TMEM132C: variants seen among roughly 807,000 people sequenced by gnomAD.
TMEM132C encodes protein phosphatase 1, regulatory subunit 152.
In TMEM132C, 29 loss-of-function variants were observed where a neutral mutation model predicts 61.4. That is an observed-to-expected ratio of 0.47 (90% CI 0.35 to 0.64). The LOEUF (loss-of-function observed/expected upper bound fraction) is 0.64, where lower values mean the gene tolerates loss of function less well. TMEM132C is among the 30% of genes least tolerant of loss of function. TMEM132C has a pLI of 0.00. For synonymous variants in TMEM132C, 656 were observed against 633.1 expected, an observed-to-expected ratio of 1.04 and a Z score of -0.54; for missense variants, 1,408 against 1,476.9, an observed-to-expected ratio of 0.95 and a Z score of 0.76.
chr12:128,607,160 G>C (rs1210785706), intron 3 of TMEM132C, among the ~76,000 whole-genome samples: 2 of 152,184 alleles, frequency 1.3e-5, no homozygotes, highest in Non-Finnish European at 2.9e-5. Context: ...TGTGACCAAA[G>C]ATTATTCCAG....
intron 1 of TMEM132C, among the ~76,000 whole-genome samples, chr12:128,360,947 A>T (rs1314589295): frequency 6.6e-6 from 1 of 152,112 alleles, no homozygotes; most frequent in African/African-American, 2.4e-5. Flanking sequence ...CTCCATGCTG[A>T]CCATATTTCT....
In TMEM132C at chr12:128,577,072, G is replaced by A. The variant is rs146305881; in HGVS notation, c.1121+32969G>A. Among the ~76,000 whole-genome samples, 192 of 152,124 alleles carry A rather than the reference G, an allele frequency of 1.3e-3. 1 individual carries two copies. Among genetic ancestry groups the A allele is most frequent in the African/African-American group, 4.3e-3 (178 of 41,478 alleles). On this transcript the variant is annotated intron_variant, in intron 3 of 8. Coordinates refer to ENST00000435159, the MANE Select transcript of TMEM132C (RefSeq NM_001136103.3). ...AAGGCAACCCCATATCCACTAGCAGGCATTTGACCTTCTTCCCTCCCCACA... is the reference window on the plus strand; with the variant it reads ...AAGGCAACCCCATATCCACTAGCAGACATTTGACCTTCTTCCCTCCCCACA...
intron 2 of TMEM132C, among the ~76,000 whole-genome samples, chr12:128,515,244 AGGT>A (rs1292956474): frequency 6.6e-6 from 1 of 152,180 alleles, no homozygotes; most frequent in Non-Finnish European, 1.5e-5. Flanking sequence ...ATAAAGAGAG[AGGT>A]ACACACAGAT....
intron 1 of TMEM132C, among the ~76,000 whole-genome samples, chr12:128,395,000 A>T (rs1874895486): frequency 6.6e-6 from 1 of 151,836 alleles, no homozygotes; most frequent in African/African-American, 2.4e-5. Context: ...TCACTTTTGT[A>T]AGTGTGATTT....
intron 2 of TMEM132C, among the ~76,000 whole-genome samples, chr12:128,450,849 C>CTTA (rs1259428687): frequency 6.6e-6 from 1 of 152,172 alleles, no homozygotes; most frequent in Non-Finnish European, 1.5e-5. Context: ...TATTTTTCTC[C>CTTA]TTATTTTTCT....
intron 3 of TMEM132C, among the ~76,000 whole-genome samples, chr12:128,580,991 CG>C (rs960065207): frequency 4.1e-4 from 62 of 151,998 alleles, no homozygotes; most frequent in African/African-American, 1.3e-3. Context: ...AAATGTCCTG[CG>C]GGGGGAAAAA....
intron 1 of TMEM132C, among the ~76,000 whole-genome samples, chr12:128,276,490 T>C (rs1407595210): frequency 1.3e-5 from 2 of 152,196 alleles, no homozygotes; most frequent in East Asian, 3.8e-4. Context: ...TAACTACAGC[T>C]TAGGCATAAT....
intron 2 of TMEM132C, among the ~76,000 whole-genome samples, chr12:128,537,907 G>A (rs1873592808): frequency 6.6e-6 from 1 of 152,144 alleles, no homozygotes; most frequent in African/African-American, 2.4e-5. Context: ...GCTGGATGAT[G>A]GGTACATGGG....
intron 1 of TMEM132C, among the ~76,000 whole-genome samples, chr12:128,409,966 A>G (rs933149636): frequency 6.6e-6 from 1 of 152,234 alleles, no homozygotes; most frequent in Non-Finnish European, 1.5e-5. Flanking sequence ...GATCAAGATT[A>G]TCAAAGAATC....
intron 2 of TMEM132C, among the ~76,000 whole-genome samples, chr12:128,473,149 A>T (rs113658546): frequency 0.031 from 204 of 6,492 alleles, no homozygotes; most frequent in Middle Eastern, 0.2. Flanking sequence ...CACTCCAGCC[A>T]CTATCTTCAT....
chr12:128,404,609 TG>T (rs1173316342), intron 1 of TMEM132C: 3 of 152,202 alleles, frequency 2.0e-5, no homozygotes, highest in African/African-American at 7.2e-5. Flanking sequence ...GGGCACTGAG[TG>T]ACGTGGCCTT....
intron 1 of TMEM132C, among the ~76,000 whole-genome samples, chr12:128,367,270 C>T (rs1361285202): frequency 6.6e-6 from 1 of 152,164 alleles, no homozygotes; most frequent in Non-Finnish European, 1.5e-5. Flanking sequence ...TTCCAGAACA[C>T]GTCCAGAGAT....
chr12:128,577,714 T>C (rs1216618089), intron 3 of TMEM132C, among the ~76,000 whole-genome samples: 3 of 152,216 alleles, frequency 2.0e-5, no homozygotes, highest in African/African-American at 7.2e-5. Flanking sequence ...AGTTTTATGG[T>C]CTCATCTTGG....
At chr12:128,518,234 A>G (rs188050160) in intron 2 of TMEM132C, among the ~76,000 whole-genome samples, 1 of 152,370 alleles carries the variant, frequency 6.6e-6, no homozygotes, top group East Asian at 1.9e-4. Context: ...TGTGTGGACA[A>G]TTAATGAGAT....
chr12:128,366,606 A>C (rs149548647), intron 1 of TMEM132C, among the ~76,000 whole-genome samples: 1 of 152,212 alleles, frequency 6.6e-6, no homozygotes, highest in African/African-American at 2.4e-5. Context: ...GTGAGATGGA[A>C]ACGTGCCCCA....
At chr12:128,573,898 C>CA (rs10689177) in intron 3 of TMEM132C, among the ~76,000 whole-genome samples, 29,790 of 142,616 alleles carry the variant, frequency 0.21, 3,638 homozygotes, top group African/African-American at 0.35. Context: ...TTTTTGCAAT[C>CA]AAAAAAAAAA....
At chr12:128,308,783 T>G (rs954297397) in intron 1 of TMEM132C, among the ~76,000 whole-genome samples, 2 of 152,208 alleles carry the variant, frequency 1.3e-5, no homozygotes, top group African/African-American at 4.8e-5. Context: ...GCTCTGCTGG[T>G]CAGCTCCACA....
At chr12:128,467,620 CAGATTTTGGATCTTA>C (rs1870780544) in intron 2 of TMEM132C, among the ~76,000 whole-genome samples, 1 of 152,052 alleles carries the variant, frequency 6.6e-6, no homozygotes. Context: ...GGGTCAGGTC[CAGATTTTGGATCTTA>C]ACACAGCAGT....
chr12:128,656,899 G>C (rs900298453), intron 4 of TMEM132C, among the ~76,000 whole-genome samples: 7 of 152,190 alleles, frequency 4.6e-5, no homozygotes, highest in Non-Finnish European at 1.0e-4. Context: ...ATTTCCTCCA[G>C]ATCTAATCAG....
Sources: allele counts gnomAD v4.1 joint callset (sites outside exome capture counted in the v4.1 genomes callset), GRCh38; gene constraint gnomAD v4.1.1; transcripts MANE v1.5; gene names NCBI Gene and HGNC (gene_info 2026-07-23, HGNC 2026-07-21).